GTF2H1: variants seen among roughly 807,000 people sequenced by gnomAD.
GTF2H1 encodes the protein general transcription factor IIH subunit 1.
A neutral mutation model predicts 71.2 loss-of-function variants in GTF2H1; 16 were observed. The ratio of observed to expected loss-of-function variants is 0.22; its 90% CI spans 0.15 to 0.34. The LOEUF is 0.34. GTF2H1 is among the 10% of genes least tolerant of loss of function. GTF2H1 has a pLI of 1.00. For synonymous variants in GTF2H1, 215 were observed against 219.0 expected (o/e 0.98, Z 0.16); for missense variants, 498 against 648.2 (o/e 0.77, Z 2.52).
chr11:18,351,573 T>C (rs1346487703), intron 9 of GTF2H1: 1 of 171,356 alleles, frequency 5.8e-6, no homozygotes, highest in Non-Finnish European at 1.2e-5. Flanking sequence ...AATATAAAAA[T>C]AGTGGAGAGC....
At position 18,331,964 on chromosome 11, in the gene GTF2H1, A is replaced by G. The variant is rs145039537; in HGVS notation, c.-15-1096A>G. On this transcript the variant is annotated intron_variant, in intron 1 of 14. Transcript: ENST00000265963. ...CGCCTCAAACTCCTGGGCTCAAGCA[A>G]TTCTCCCCCTTTGGCCTCCCAAAGT... 1.6e-3 allele frequency among the ~76,000 whole-genome samples: 239 copies of G among 152,152 alleles called. 1 individual carries two copies. Among genetic ancestry groups the G allele is most frequent in the African/African-American group, 4.4e-3 (184 of 41,510 alleles).
intron 7 of GTF2H1, among the ~76,000 whole-genome samples, chr11:18,345,410 T>G (rs980453261): frequency 2.0e-5 from 3 of 152,148 alleles, no homozygotes; most frequent in Non-Finnish European, 2.9e-5. Context: ...AAGCTGACTT[T>G]GTTCTGTTTA....
chr11:18,324,766 C>G (rs887042989), intron 1 of GTF2H1, among the ~76,000 whole-genome samples: 2 of 152,078 alleles, frequency 1.3e-5, no homozygotes, highest in African/African-American at 4.8e-5. Flanking sequence ...ACTGATTACT[C>G]TTCTCTCAAT....
At chr11:18,341,662 C>A in intron 7 of GTF2H1, 55 bp downstream of exon 7, 1 of 1,133,298 alleles carries the variant, frequency 8.8e-7, no homozygotes, top group Non-Finnish European at 1.3e-6. Context: ...TAGTCTTCAA[C>A]ATTGTCTTAA....
chr11:18,328,085 C>G (rs1457245465), intron 1 of GTF2H1, among the ~76,000 whole-genome samples: 1 of 151,988 alleles, frequency 6.6e-6, no homozygotes, highest in East Asian at 1.9e-4. Flanking sequence ...GCCTCTAACC[C>G]CTAGTTACTG....
At chr11:18,325,509 A>G (rs373420270) in intron 1 of GTF2H1, among the ~76,000 whole-genome samples, 1 of 152,240 alleles carries the variant, frequency 6.6e-6, no homozygotes, top group Non-Finnish European at 1.5e-5. Flanking sequence ...ACTGGGTGCT[A>G]TATTACAGAG....
intron 1 of GTF2H1, chr11:18,326,280 G>C (rs1202371366): frequency 6.6e-6 from 1 of 152,218 alleles, no homozygotes; most frequent in Non-Finnish European, 1.5e-5. Flanking sequence ...CCAGCACTTT[G>C]GGAGGCTGAG....
chr11:18,336,432 A>G (rs1333757574), intron 3 of GTF2H1, among the ~76,000 whole-genome samples: 2 of 152,008 alleles, frequency 1.3e-5, no homozygotes, highest in Admixed American at 1.3e-4. Flanking sequence ...CCGGCCACCT[A>G]TCCTCACTTT....
intron 13 of GTF2H1, among the ~76,000 whole-genome samples, chr11:18,359,894 G>A (rs1021821910): frequency 2.2e-4 from 33 of 151,862 alleles, no homozygotes; most frequent in African/African-American, 8.0e-4. Flanking sequence ...GGCCAAGGCA[G>A]GCAGATCGCT....
intron 5 of GTF2H1, 141 bp from the exon 6 acceptor site, chr11:18,341,120 T>A: frequency 1.6e-6 from 1 of 625,500 alleles, no homozygotes; most frequent in Non-Finnish European, 2.8e-6. Context: ...CCCTTCATAT[T>A]TATAATTAGA....
At chr11:18,360,508 A>T (rs916011478) in intron 13 of GTF2H1, 107 bp from the exon 14 acceptor site, 14 of 560,008 alleles carry the variant, frequency 2.5e-5, no homozygotes, top group South Asian at 5.1e-5. Context: ...TTTTACATTT[A>T]AAAAAATTCT....
intron 1 of GTF2H1, among the ~76,000 whole-genome samples, chr11:18,323,689 T>A (rs1009144391): frequency 6.6e-6 from 1 of 152,186 alleles, no homozygotes; most frequent in African/African-American, 2.4e-5. Flanking sequence ...TCCCCATGAA[T>A]TTTTATCTGG....
In GTF2H1 at chr11:18,349,696, AAAAG is replaced by A. The variant is rs1214568798; in HGVS notation, c.1053+1781_1053+1784del. On this transcript the variant is annotated intron_variant, in intron 9 of 14. Coordinates refer to ENST00000265963, the MANE Select transcript of GTF2H1 (RefSeq NM_005316.4). ...AGACTCCATCTCAAAGAAAAAATAA[AAAAG>A]AAATTTATTTACTTGTGTGAATTTT... is the stretch of plus-strand genomic sequence containing the variant. Among the ~76,000 whole-genome samples, 4 of 151,790 alleles carry A rather than the reference AAAAG, an allele frequency of 2.6e-5. No individual in the cohort carries two copies. In the East Asian group the frequency reaches 7.7e-4, roughly 29 times the overall value.
chr11:18,329,736 C>G (rs900577412), intron 1 of GTF2H1, among the ~76,000 whole-genome samples: 5 of 152,214 alleles, frequency 3.3e-5, no homozygotes, highest in Admixed American at 1.3e-4. Flanking sequence ...TTTCCTTTGC[C>G]TCTGACACCT....
chr11:18,335,832 A>G lies in GTF2H1; in HGVS notation c.233A>G (p.His78Arg), dbSNP rs1281862806. The G allele has an allele frequency of 1.9e-6, 3 of 1,613,940 alleles. No homozygotes were observed. Among genetic ancestry groups the G allele is most frequent in the Admixed American group, 1.7e-5 (1 of 59,996 alleles). ...VLHAGDTTNF[H>R]FSNESTAVKE... ...CATGCAGGGGACACAACTAACTTCC[A>G]TTTTTCCAATGAAAGCACAGCAGTG... The change falls in exon 3 of 15, where the codon CAT becomes CGT. Residue 78 changes from histidine (H) to arginine (R), a missense_variant. His to Arg is a conservative substitution (Grantham distance 29). Around this residue, in one of 3 missense-constraint regions of GTF2H1, gnomAD observed 216 missense variants for 306.2 expected, o/e 0.71. Coordinates refer to ENST00000265963, the MANE Select transcript of GTF2H1 (RefSeq NM_005316.4).
chr11:18,359,643 A>G (rs1865648934), intron 13 of GTF2H1, among the ~76,000 whole-genome samples: 1 of 152,236 alleles, frequency 6.6e-6, no homozygotes, highest in African/African-American at 2.4e-5. Context: ...TGGCCTAAAT[A>G]TCTACCAGAA....
intron 9 of GTF2H1, among the ~76,000 whole-genome samples, chr11:18,351,045 C>G (rs1165892792): frequency 6.6e-6 from 1 of 152,032 alleles, no homozygotes; most frequent in Non-Finnish European, 1.5e-5. Context: ...GTTAGAAGCA[C>G]TGATTGATAA....
At chr11:18,334,715 CTTA>C (rs1308986432) in intron 2 of GTF2H1, among the ~76,000 whole-genome samples, 1 of 152,122 alleles carries the variant, frequency 6.6e-6, no homozygotes, top group African/African-American at 2.4e-5. Flanking sequence ...TGATTTAGTT[CTTA>C]TCATAGCTGA....
At chr11:18,343,813 T>G (rs1182510324) in intron 7 of GTF2H1, among the ~76,000 whole-genome samples, 1 of 152,186 alleles carries the variant, frequency 6.6e-6, no homozygotes, top group African/African-American at 2.4e-5. Flanking sequence ...GCCAAAAACC[T>G]GGGAGTCGGC....
Sources: allele counts gnomAD v4.1 joint callset (sites outside exome capture counted in the v4.1 genomes callset), GRCh38; gene constraint gnomAD v4.1.1; regional missense constraint gnomAD v4.1.1; transcripts MANE v1.5; gene names NCBI Gene and HGNC (gene_info 2026-07-23, HGNC 2026-07-21).